The following GTPBP6 variants were observed in gnomAD, a reference collection of about 807,000 sequenced individuals.
The protein encoded by GTPBP6 is putative GTP-binding protein 6.
GTPBP6 carries 33 observed loss-of-function variants against 28.9 expected under a neutral mutation model. The ratio of observed to expected loss-of-function variants is 1.14; its 90% CI spans 0.87 to 1.53. The LOEUF (loss-of-function observed/expected upper bound fraction) is 1.53. Among genes scored for constraint, GTPBP6 ranks in the 40% most tolerant of loss-of-function variants. GTPBP6 has a pLI of 0.00. For synonymous variants in GTPBP6, 231 were observed against 192.7 expected (o/e 1.20, Z -1.65); for missense variants, 507 against 408.3 (o/e 1.24, Z -2.08).
exon 8 of GTPBP6, chrX:307,732 C>T: frequency 6.8e-7 from 1 of 1,476,570 alleles, no homozygotes; most frequent in Non-Finnish European, 9.0e-7. Context: ...CCGGACTCAC[C>T]CGGGCACGAG....
At chrX:312,475 G>T in intron 6 of GTPBP6, 1 of 592,476 alleles carries the variant, frequency 1.7e-6, no homozygotes, top group Non-Finnish European at 3.1e-6. Flanking sequence ...GGGAGATTGT[G>T]GTATAGACAG....
intron 5 of GTPBP6, 73 bp downstream of exon 5, chrX:314,077 G>A: frequency 8.7e-7 from 1 of 1,154,154 alleles, no homozygotes; most frequent in Non-Finnish European, 1.3e-6. Flanking sequence ...ATCTTCCAGG[G>A]CTGAGAAGGG....
exon 2 of GTPBP6, chrX:316,941 C>G (rs1368416598): frequency 5.0e-6 from 2 of 398,558 alleles, no homozygotes; most frequent in Admixed American, 4.4e-5. Flanking sequence ...TTCCCTTTGC[C>G]AAAGATGAGC....
chrX:307,217 A>G, intron 9 of GTPBP6, 143 bp downstream of exon 9: 1 of 713,354 alleles, frequency 1.4e-6, no homozygotes, highest in Admixed American at 2.9e-5. Context: ...TGTACATTTG[A>G]TGCAAACCCA....
At position 305,673 on chromosome X, in the gene GTPBP6, G is replaced by A. The variant is rs184916386; in HGVS notation, c.1428-476C>T. Among the ~76,000 whole-genome samples, 66 of 148,280 alleles carry A rather than the reference G, an allele frequency of 4.5e-4. 4 individuals are homozygous for A. Among genetic ancestry groups the A allele is most frequent in the African/African-American group, 1.6e-3 (63 of 39,104 alleles). On this transcript the variant is annotated intron_variant, in intron 9 of 9. Coordinates refer to ENST00000326153, the Ensembl canonical transcript of GTPBP6. The stretch of plus-strand genomic sequence containing the variant: ...CAGAGTCTCGCTCTGTCGCCAGGCT[G>A]GGGTGCAGTGGCACGATCTTGGCTC...
chrX:305,750 G>A lies in GTPBP6; in HGVS notation c.1428-553C>T, dbSNP rs74928325. 2.2e-3 allele frequency among the ~76,000 whole-genome samples: 326 copies of A among 148,446 alleles called. 2 individuals carry two copies. The highest frequency in any genetic ancestry group is 0.021 in the Middle Eastern group (6 of 292). Reference sequence around the variant, plus strand: ...AGCAATTCTCCGGCCTTAGCCTCCCGAGTAGCTGGGACTACAGGTGCCCGC... The same window carrying A: ...AGCAATTCTCCGGCCTTAGCCTCCCAAGTAGCTGGGACTACAGGTGCCCGC... On this transcript the variant is annotated intron_variant, in intron 9 of 9. Coordinates refer to ENST00000326153, the Ensembl canonical transcript of GTPBP6.
In GTPBP6 at chrX:314,215, G is replaced by A. The variant is rs779588414; in HGVS notation, c.692C>T (p.Ser231Leu). The change falls in exon 5 of 10, where the codon TCG (serine) becomes TTG (leucine). Residue 231 changes from serine (S) to leucine (L), a missense_variant and splice_region_variant. Coordinates refer to ENST00000326153, the Ensembl canonical transcript of GTPBP6. Reference sequence around the variant, plus strand: ...GTGGGCGACGTCCCTTTTCAAGTTCGACCTGGTGTGGGAACGGGAGTGGCT... The same window carrying A: ...GTGGGCGACGTCCCTTTTCAAGTTCAACCTGGTGTGGGAACGGGAGTGGCT... 1.6e-5 allele frequency: 26 copies of A among 1,612,826 alleles called. No individual in the cohort carries two copies. In the East Asian group the frequency reaches 3.3e-4, roughly 21 times the overall value.
rs1251715774 is a variant in GTPBP6 at position 314,365 on chromosome X, A to G, written c.690-148T>C. 5.6e-6 allele frequency: 4 copies of G among 715,860 alleles called. No homozygotes were observed. The Admixed American group carries it at 6.2e-5, about 11-fold the overall frequency. The allele number at this position is 715,860 out of a possible 1,614,324, so 44.3% of individuals were successfully genotyped here. A position where few individuals can be genotyped will look rare whatever the true frequency, so the allele number is the denominator to read the frequency against. ...CGGCCCCGCTCCGCGTGTAGCTCAC[A>G]CACTGTGAGTGACGCGTGTCCCGGG... On this transcript the variant is annotated intron_variant, in intron 4 of 9. Coordinates refer to ENST00000326153, the Ensembl canonical transcript of GTPBP6.
chrX:314,230 C>T lies in GTPBP6; in HGVS notation c.690-13G>A, dbSNP rs181470032. ...TTTCAAGTTCGACCTGGTGTGGGAA[C>T]GGGAGTGGCTCGGTCTCTGCGGACG... On this transcript the variant is annotated splice_polypyrimidine_tract_variant and intron_variant, in intron 4 of 9. Transcript: ENST00000326153. 1.6e-3 allele frequency: 2,545 copies of T among 1,610,886 alleles called. 11 individuals are homozygous for T. Among genetic ancestry groups the T allele is most frequent in the African/African-American group, 8.6e-3 (643 of 74,952 alleles).
chrX:306,996 T>C (rs2070183413), intron 9 of GTPBP6, among the ~76,000 whole-genome samples: 1 of 151,284 alleles, frequency 6.6e-6, no homozygotes, highest in Admixed American at 6.6e-5. Flanking sequence ...GAAATGTACA[T>C]TTTGACTGTC....
In GTPBP6 at chrX:317,139, A is replaced by G. The variant is rs2070453264; in HGVS notation, c.350-88T>C. 3.5e-5 allele frequency: 14 copies of G among 398,116 alleles called. No homozygotes were observed. The South Asian group carries it at 1.4e-3, about 40-fold the overall frequency. 24.7% of individuals were successfully genotyped at this position (398,116 alleles called of 1,614,324 possible). On this transcript the variant is annotated intron_variant, in intron 1 of 9. Coordinates refer to ENST00000326153, the Ensembl canonical transcript of GTPBP6. The stretch of plus-strand genomic sequence containing the variant: ...CCGGGGAGGCCTCCTCCTGCCCTTG[A>G]GACAATCTCCCCGGAGAAGGCACCT...
rs1357289544 is a variant in GTPBP6 at position 318,771 on chromosome X, G to A, written c.17C>T (p.Ala6Val). 8.5e-5 allele frequency: 26 copies of A among 307,686 alleles called. No individual in the cohort carries two copies. In the Admixed American group the frequency reaches 9.6e-4, roughly 11 times the overall value. The allele number at this position is 307,686 out of a possible 1,614,324, so 19.1% of individuals were successfully genotyped here. ...GAGCCGCAGCCCCGGGCGTACGGCG[G>A]CCCGCAGGGCCCACATGGCGCGTCT... Residue 6 changes from alanine to valine, a missense_variant, in exon 1 of 10, where the codon GCC becomes GTC. Coordinates refer to ENST00000326153, the Ensembl canonical transcript of GTPBP6.
chrX:310,115 C>A lies in GTPBP6; in HGVS notation c.1125+1304G>T, dbSNP rs1382110925. 2.3e-5 allele frequency among the ~76,000 whole-genome samples: 3 copies of A among 129,166 alleles called. No individual in the cohort carries two copies. The Admixed American group carries it at 2.4e-4, about 10-fold the overall frequency. 84.7% of individuals were successfully genotyped at this position (129,166 alleles called of 152,430 possible). ...TGAAGTGAACTGAACTGTGGCCCCC[C>A]ACAAAAGACCTGTCCATGTATTGAT... On this transcript the variant is annotated intron_variant, in intron 7 of 9. Transcript: ENST00000326153.
At chrX:311,070 G>A (rs1446077643) in intron 7 of GTPBP6, among the ~76,000 whole-genome samples, 2 of 152,094 alleles carry the variant, frequency 1.3e-5, no homozygotes, top group Admixed American at 1.3e-4. Flanking sequence ...GCAAGAACAT[G>A]GCCCTGAGTG....
intron 4 of GTPBP6, among the ~76,000 whole-genome samples, 181 bp downstream of exon 4, chrX:314,709 C>A (rs1373046342): frequency 1.3e-5 from 2 of 151,968 alleles, no homozygotes; most frequent in Admixed American, 6.5e-5. Context: ...ATCTCGTGAC[C>A]TCGTGATCCG....
intron 8 of GTPBP6, 106 bp downstream of exon 8, chrX:307,626 C>G: frequency 7.0e-7 from 1 of 1,430,678 alleles, no homozygotes; most frequent in Non-Finnish European, 9.4e-7. Flanking sequence ...TCCCTGTGTC[C>G]TGACTGCCAC....
intron 7 of GTPBP6, 44 bp downstream of exon 7, chrX:311,375 G>A (rs757801577): frequency 2.9e-5 from 41 of 1,415,370 alleles, no homozygotes; most frequent in Middle Eastern, 2.4e-4. Flanking sequence ...CCCCCGTGCC[G>A]AATGGGTGTC....
chrX:306,166 G>C (rs1428656215), intron 9 of GTPBP6, among the ~76,000 whole-genome samples: 1 of 152,124 alleles, frequency 6.6e-6, no homozygotes, highest in Non-Finnish European at 1.5e-5. Context: ...TGACTGTCAA[G>C]TGCAGATTAG....
intron 6 of GTPBP6, 91 bp from the exon 7 acceptor site, chrX:311,718 A>C: frequency 1.9e-6 from 2 of 1,077,306 alleles, no homozygotes; most frequent in South Asian, 2.5e-5. Flanking sequence ...AGACCACGGC[A>C]CCCTCTGGGG....
Sources: gnomAD v4.1 joint callset for allele counts (sites outside exome capture counted in the v4.1 genomes callset) on GRCh38, gnomAD v4.1.1 for gene constraint, MANE v1.5 for transcripts, NCBI Gene and HGNC (gene_info 2026-07-23, HGNC 2026-07-21) for gene names.